CAPRIN1: variants seen among roughly 807,000 people sequenced by gnomAD.
CAPRIN1 encodes the protein caprin-1.
CAPRIN1 carries 29 observed loss-of-function variants against 100.9 expected under a neutral mutation model. The ratio of observed to expected loss-of-function variants is 0.29; its 90% CI spans 0.21 to 0.39. The LOEUF is 0.39. CAPRIN1 is among the 10% of genes least tolerant of loss of function. CAPRIN1 has a pLI of 1.00. For synonymous variants in CAPRIN1, 338 were observed against 307.5 expected, an observed-to-expected ratio of 1.10 and a Z score of -1.04; for missense variants, 795 against 876.7, an observed-to-expected ratio of 0.91 and a Z score of 1.18.
intron 6 of CAPRIN1, among the ~76,000 whole-genome samples, chr11:34,078,211 A>G (rs1165904214): frequency 3.3e-5 from 5 of 152,220 alleles, no homozygotes; most frequent in South Asian, 2.1e-4. Flanking sequence ...CTGAAGTGAA[A>G]TAAGGAAAAC....
rs202120614 is a variant in CAPRIN1, at chr11:34,086,383, A to G, written c.1201A>G (p.Met401Val). 7 of 1,613,132 alleles carry G rather than the reference A, an allele frequency of 4.3e-6. No homozygotes were observed. The East Asian group carries it at 6.7e-5, about 15-fold the overall frequency. Residue 401 changes from methionine to valine, a missense_variant, in exon 11 of 19, where the codon ATG becomes GTG. By Grantham distance (21) the Met-to-Val change is conservative. This residue lies in a region of CAPRIN1 where 648 missense variants were observed against 697.9 expected (regional missense o/e 0.93). Coordinates refer to ENST00000341394, the MANE Select transcript of CAPRIN1 (RefSeq NM_005898.5). ...ACAGCCTATGAATCCAACACAAAAC[A>G]TGGACATGCCCCAGCTGGTTTGCCC... is the stretch of plus-strand genomic sequence containing the variant. ...SAQPMNPTQN[M>V]DMPQLVCPPV... is the part of the protein sequence containing the mutation.
chr11:34,091,227 CAACCCTGTT>C (rs1319407717), intron 14 of CAPRIN1, among the ~76,000 whole-genome samples: 4 of 152,134 alleles, frequency 2.6e-5, no homozygotes. Flanking sequence ...AAAAAACATT[CAACCCTGTT>C]AAAGTTCATA....
intron 2 of CAPRIN1, among the ~76,000 whole-genome samples, chr11:34,067,576 C>T (rs1276217593): frequency 6.6e-6 from 1 of 151,720 alleles, no homozygotes; most frequent in African/African-American, 2.4e-5. Flanking sequence ...ATCACGACTT[C>T]CGACTTGTGG....
Position 34,090,284 on chromosome 11 carries a change from A to G in CAPRIN1, c.1399A>G (p.Ile467Val), listed in dbSNP as rs367917750. Residue 467 changes from isoleucine to valine, a missense_variant, in exon 13 of 19, where the codon ATT becomes GTT. By Grantham distance (29) the Ile-to-Val change is conservative. Coordinates refer to ENST00000341394, the MANE Select transcript of CAPRIN1 (RefSeq NM_005898.5). ...QRPQKEPIDQ[I>V]QATISLNTDQ... is the part of the protein sequence containing the mutation. Reference sequence around the variant, plus strand: ...ACCACAGAAGGAACCAATTGATCAGATTCAGGCAAGTTCTGTTACCGGGTC... The same window carrying G: ...ACCACAGAAGGAACCAATTGATCAGGTTCAGGCAAGTTCTGTTACCGGGTC... 6.2e-7 allele frequency: 1 copy of G among 1,609,246 alleles called. No individual in the cohort carries two copies. The highest frequency in any genetic ancestry group is 1.3e-5 in the African/African-American group (1 of 74,820).
At position 34,079,747 on chromosome 11, in the gene CAPRIN1, G is replaced by C. The variant is rs1408250050; in HGVS notation, c.808G>C (p.Asp270His). The change falls in exon 7 of 19, where the codon GAC (aspartate) becomes CAC (histidine). Residue 270 changes from aspartate to histidine, a missense_variant. Coordinates refer to ENST00000341394, the MANE Select transcript of CAPRIN1 (RefSeq NM_005898.5). ...EEAASAPAVE[D>H]QVPEAEPEPA... is the part of the protein sequence containing the mutation. ...GGCAGCCTCAGCACCTGCAGTTGAAGACCAGGTACCTGAAGCTGGTGAGTA... is the reference window on the plus strand; with the variant it reads ...GGCAGCCTCAGCACCTGCAGTTGAACACCAGGTACCTGAAGCTGGTGAGTA... 6.2e-7 allele frequency: 1 copy of C among 1,614,050 alleles called. No homozygotes were observed. Among genetic ancestry groups the C allele is most frequent in the Non-Finnish European group, 8.5e-7 (1 of 1,179,980 alleles).
In CAPRIN1 at chr11:34,088,933, T is replaced by C. The variant is rs376465736; in HGVS notation, c.1232-462T>C. Among the ~76,000 whole-genome samples the C allele has an allele frequency of 6.4e-4, 97 of 152,252 alleles. 2 individuals carry two copies. In the South Asian group the frequency reaches 0.02, roughly 31 times the overall value. On this transcript the variant is annotated intron_variant, in intron 11 of 18. Transcript: ENST00000341394. ...TTTATCTGCATTTCCCAATTTACTT[T>C]CATGATTGCTAAAAAGTTTATTTAT...
At chr11:34,058,271 G>A (rs559556370) in intron 2 of CAPRIN1, among the ~76,000 whole-genome samples, 1 of 151,970 alleles carries the variant, frequency 6.6e-6, no homozygotes, top group African/African-American at 2.4e-5. Flanking sequence ...CGAGTAGCTG[G>A]GATTACAGGT....
intron 11 of CAPRIN1, among the ~76,000 whole-genome samples, chr11:34,089,090 G>A (rs186389613): frequency 4.7e-4 from 72 of 151,762 alleles, no homozygotes; most frequent in Admixed American, 2.5e-3. Flanking sequence ...GCAACATGGC[G>A]AAACCCTGTC....
intron 18 of CAPRIN1, chr11:34,098,007 AGT>A: frequency 8.5e-7 from 1 of 1,181,934 alleles, no homozygotes; most frequent in Non-Finnish European, 1.0e-6. Flanking sequence ...TCTCAGAAAA[AGT>A]GTTTTTCCAA....
At chr11:34,073,278 A>G (rs1850837882) in intron 4 of CAPRIN1, among the ~76,000 whole-genome samples, 1 of 152,154 alleles carries the variant, frequency 6.6e-6, no homozygotes, top group African/African-American at 2.4e-5. Context: ...CTGTTCTTGT[A>G]TTAGTCAAGG....
intron 17 of CAPRIN1, 90 bp downstream of exon 17, chr11:34,097,386 A>G (rs1851388150): frequency 9.2e-7 from 1 of 1,091,274 alleles, no homozygotes; most frequent in South Asian, 1.3e-5. Context: ...TAAGTAACTA[A>G]TTTGGCGTTA....
Position 34,082,829 on chromosome 11 carries a change from T to G in CAPRIN1, c.831T>G (p.Pro277=), listed in dbSNP as rs1851060525. The change falls in exon 8 of 19, where the codon CCT becomes CCG. Residue 277 remains proline, a synonymous_variant. Coordinates refer to ENST00000341394, the MANE Select transcript of CAPRIN1 (RefSeq NM_005898.5). Reference sequence around the variant, plus strand: ...CACCATTTTTTAACCTCTTAGAACCTGAGCCAGCAGAAGAGTACACTGAGC... The same window carrying G: ...CACCATTTTTTAACCTCTTAGAACCGGAGCCAGCAGAAGAGTACACTGAGC... The part of the protein sequence containing the change: ...AVEDQVPEAE[P]EPAEEYTEQS... The G allele has an allele frequency of 6.2e-7, 1 of 1,613,164 alleles. No individual in the cohort carries two copies. The highest frequency in any genetic ancestry group is 1.3e-5 in the African/African-American group (1 of 74,918).
intron 1 of CAPRIN1, 147 bp from the exon 2 acceptor site, chr11:34,052,274 T>G: frequency 1.5e-6 from 1 of 661,126 alleles, no homozygotes; most frequent in East Asian, 3.2e-5. Context: ...CTTCCTGCCC[T>G]CGAGGCGCGC....
chr11:34,070,425 C>G (rs964360365), intron 2 of CAPRIN1, among the ~76,000 whole-genome samples: 1 of 152,198 alleles, frequency 6.6e-6, no homozygotes, highest in African/African-American at 2.4e-5. Context: ...GGAGCAGCAT[C>G]TCACGCTGTC....
intron 11 of CAPRIN1, among the ~76,000 whole-genome samples, chr11:34,087,084 G>A (rs192610487): frequency 3.4e-4 from 52 of 152,316 alleles, no homozygotes; most frequent in Non-Finnish European, 7.4e-5. Flanking sequence ...TACAGTTGGT[G>A]CCTTCCATTG....
intron 15 of CAPRIN1, among the ~76,000 whole-genome samples, chr11:34,092,915 C>T (rs1412910536): frequency 6.6e-6 from 1 of 151,806 alleles, no homozygotes; most frequent in Admixed American, 6.6e-5. Context: ...TGCAGTGATG[C>T]CAGCATAACT....
At chr11:34,092,089 T>C (rs772272285) in intron 15 of CAPRIN1, 33 bp downstream of exon 15, 1 of 1,605,994 alleles carries the variant, frequency 6.2e-7, no homozygotes, top group South Asian at 1.1e-5. Flanking sequence ...ATTGGCTCCT[T>C]GCTTTCCAGC....
intron 2 of CAPRIN1, 200 bp downstream of exon 2, chr11:34,052,836 T>C (rs1850356250): frequency 6.9e-7 from 1 of 1,442,114 alleles, no homozygotes; most frequent in Non-Finnish European, 9.1e-7. Flanking sequence ...GAAGAGGCAC[T>C]TGTCACCTGA....
chr11:34,096,273 A>C (rs1300957638), intron 15 of CAPRIN1: 1 of 443,776 alleles, frequency 2.3e-6, no homozygotes, highest in African/African-American at 2.0e-5. Context: ...TTGTGGTTGG[A>C]GAATTTTACC....
Sources: allele counts gnomAD v4.1 joint callset (sites outside exome capture counted in the v4.1 genomes callset), GRCh38; gene constraint gnomAD v4.1.1; regional missense constraint gnomAD v4.1.1; transcripts MANE v1.5; gene names NCBI Gene and HGNC (gene_info 2026-07-23, HGNC 2026-07-21).